The following DPP10 variants were observed in gnomAD, a reference collection of about 807,000 sequenced individuals.
DPP10 encodes dipeptidyl peptidase like 10.
Under a neutral mutation model 120.9 loss-of-function variants are expected in DPP10, and 33 were observed. The ratio of observed to expected loss-of-function variants is 0.27; its 90% CI spans 0.21 to 0.37. The LOEUF (loss-of-function observed/expected upper bound fraction) is 0.37. DPP10 is among the 10% of genes least tolerant of loss of function. The pLI is 1.00. For synonymous variants in DPP10, 337 were observed against 326.1 expected (o/e 1.03, Z -0.36); for missense variants, 816 against 942.8 (o/e 0.87, Z 1.76).
chr2:115,647,239 G>A (rs2087342290), intron 5 of DPP10, among the ~76,000 whole-genome samples: 1 of 152,116 alleles, frequency 6.6e-6, no homozygotes, highest in Admixed American at 6.6e-5. Context: ...TTTATCAAGT[G>A]CCGCTCTATA....
At chr2:115,498,959 G>A (rs553331224) in intron 3 of DPP10, among the ~76,000 whole-genome samples, 8 of 151,968 alleles carry the variant, frequency 5.3e-5, no homozygotes, top group Non-Finnish European at 1.2e-4. Flanking sequence ...ATTTTGAGCT[G>A]CAATTGTGCA....
intron 1 of DPP10, among the ~76,000 whole-genome samples, chr2:115,206,585 A>C (rs2105326098): frequency 6.6e-6 from 1 of 152,320 alleles, no homozygotes; most frequent in Non-Finnish European, 1.5e-5. Context: ...GTTCTACAGA[A>C]GACATCTGAG....
intron 5 of DPP10, among the ~76,000 whole-genome samples, chr2:115,542,152 C>T (rs1167891731): frequency 6.6e-6 from 1 of 151,854 alleles, no homozygotes; most frequent in Non-Finnish European, 1.5e-5. Flanking sequence ...TTTTATTATA[C>T]GTAACTACCG....
At chr2:115,469,759 G>A (rs1389679786) in intron 3 of DPP10, among the ~76,000 whole-genome samples, 1 of 151,816 alleles carries the variant, frequency 6.6e-6, no homozygotes, top group African/African-American at 2.4e-5. Context: ...GTAGCCAGGC[G>A]TGGTGGCACT....
chr2:114,548,966 GC>G (rs1489922990), intron 1 of DPP10, among the ~76,000 whole-genome samples: 12 of 152,172 alleles, frequency 7.9e-5, no homozygotes, highest in African/African-American at 2.7e-4. Context: ...AAAGGATGGG[GC>G]TGCCTCTTAA....
chr2:115,692,475 G>T (rs997684967), intron 7 of DPP10, among the ~76,000 whole-genome samples: 3 of 151,950 alleles, frequency 2.0e-5, no homozygotes, highest in Non-Finnish European at 4.4e-5. Flanking sequence ...ATGTTGTAAA[G>T]AATGAGGAAG....
intron 9 of DPP10, among the ~76,000 whole-genome samples, chr2:115,744,234 A>G (rs1319875661): frequency 1.3e-5 from 2 of 150,198 alleles, no homozygotes; most frequent in Admixed American, 7.1e-5. Flanking sequence ...CAAGAACAAC[A>G]CTTTGAATGG....
chr2:115,126,273 G>C (rs2050078406), intron 1 of DPP10, among the ~76,000 whole-genome samples: 1 of 151,724 alleles, frequency 6.6e-6, no homozygotes, highest in Non-Finnish European at 1.5e-5. Flanking sequence ...CTAATTTTTT[G>C]TATTTTTTTG....
chr2:115,023,210 A>G (rs976972060), intron 1 of DPP10, among the ~76,000 whole-genome samples: 2 of 152,178 alleles, frequency 1.3e-5, no homozygotes, highest in African/African-American at 2.4e-5. Flanking sequence ...AAGTAAACCG[A>G]CAACCCACAG....
chr2:114,834,067 C>T (rs1365295324), intron 1 of DPP10: 1 of 151,700 alleles, frequency 6.6e-6, no homozygotes, highest in Admixed American at 6.6e-5. Flanking sequence ...TATCTACACA[C>T]CTATGTATAT....
At chr2:114,737,099 T>C (rs1677516335) in intron 1 of DPP10, among the ~76,000 whole-genome samples, 1 of 152,194 alleles carries the variant, frequency 6.6e-6, no homozygotes, top group South Asian at 2.1e-4. Context: ...TTGTTGCTAA[T>C]TGAAAAAACA....
intron 1 of DPP10, among the ~76,000 whole-genome samples, chr2:114,839,697 A>G (rs1259619082): frequency 1.3e-5 from 2 of 152,138 alleles, no homozygotes; most frequent in Admixed American, 1.3e-4. Context: ...CTTCTTACTC[A>G]TTTTAATTCT....
chr2:115,066,990 T>G (rs1028632452), intron 1 of DPP10, among the ~76,000 whole-genome samples: 1 of 152,164 alleles, frequency 6.6e-6, no homozygotes, highest in Admixed American at 6.5e-5. Context: ...ATAGGTATGG[T>G]CTATTGGATT....
At chr2:114,471,309 C>A (rs1022250161) in intron 1 of DPP10, among the ~76,000 whole-genome samples, 2 of 152,096 alleles carry the variant, frequency 1.3e-5, no homozygotes, top group Non-Finnish European at 2.9e-5. Flanking sequence ...GGATCATTTT[C>A]TTGGCAAAGT....
intron 3 of DPP10, among the ~76,000 whole-genome samples, chr2:115,355,229 C>T (rs2064294338): frequency 6.6e-6 from 1 of 152,112 alleles, no homozygotes; most frequent in African/African-American, 2.4e-5. Context: ...TCTATTGTTT[C>T]TTAACTTTTT....
intron 1 of DPP10, among the ~76,000 whole-genome samples, chr2:115,238,739 C>T (rs2058121439): frequency 6.6e-6 from 1 of 152,048 alleles, no homozygotes; most frequent in African/African-American, 2.4e-5. Context: ...GTTGAAATGA[C>T]AGCAAAGGAT....
At chr2:115,457,920 A>G (rs1401211840) in intron 3 of DPP10, among the ~76,000 whole-genome samples, 1 of 152,166 alleles carries the variant, frequency 6.6e-6, no homozygotes, top group African/African-American at 2.4e-5. Flanking sequence ...AATTCTATTA[A>G]CTAGTAAGTG....
At chr2:114,445,440 G>T (rs189173316) in intron 1 of DPP10, among the ~76,000 whole-genome samples, 1 of 151,738 alleles carries the variant, frequency 6.6e-6, no homozygotes, top group Non-Finnish European at 1.5e-5. Flanking sequence ...GTTAAACTAC[G>T]GCTAAAAAGA....
chr2:115,707,169 T>A (rs1401744050), intron 7 of DPP10, among the ~76,000 whole-genome samples: 1 of 151,904 alleles, frequency 6.6e-6, no homozygotes, highest in African/African-American at 2.4e-5. Flanking sequence ...AATTTCAACA[T>A]TTCTCTTACA....
Sources: allele counts gnomAD v4.1 joint callset (sites outside exome capture counted in the v4.1 genomes callset), GRCh38; gene constraint gnomAD v4.1.1; transcripts MANE v1.5; gene names NCBI Gene and HGNC (gene_info 2026-07-23, HGNC 2026-07-21).